The following ZMYM4 variants were observed in gnomAD, a reference collection of about 807,000 sequenced individuals.
ZMYM4 encodes zinc finger MYM-type containing 4.
Under a neutral mutation model 183.2 loss-of-function variants are expected in ZMYM4, and 31 were observed. The observed-to-expected ratio is 0.17, with a 90% CI of 0.13 to 0.23. The LOEUF (loss-of-function observed/expected upper bound fraction) is 0.23. Among genes scored for constraint, ZMYM4 ranks in the 10% least tolerant of loss-of-function variants. The pLI, the probability that ZMYM4 is intolerant of heterozygous loss-of-function variation, is 1.00. For synonymous variants in ZMYM4, 592 were observed against 631.2 expected (o/e 0.94, Z 0.93); for missense variants, 1,273 against 1,840.3 (o/e 0.69, Z 5.64).
intron 1 of ZMYM4, among the ~76,000 whole-genome samples, chr1:35,321,005 C>T (rs193200447): frequency 5.3e-5 from 8 of 152,018 alleles, no homozygotes; most frequent in Admixed American, 2.6e-4. Context: ...TTATATAAAG[C>T]GCTCCTTTTT....
Position 35,359,465 on chromosome 1 carries a change from A to G in ZMYM4, c.607+19A>G. On this transcript the variant is annotated intron_variant, in intron 3 of 29. Coordinates refer to ENST00000314607, the MANE Select transcript of ZMYM4 (RefSeq NM_005095.3). ...AAAGCAGGTAATAATTGTTGGACTT[A>G]GAACCATAAAACACAATTAAAAATT... is the stretch of plus-strand genomic sequence containing the variant. The G allele has an allele frequency of 6.5e-7, 1 of 1,529,966 alleles. No individual in the cohort carries two copies. Among genetic ancestry groups the G allele is most frequent in the Non-Finnish European group, 8.7e-7 (1 of 1,146,164 alleles). 94.8% of individuals were successfully genotyped at this position (1,529,966 alleles called of 1,614,324 possible).
chr1:35,350,498 G>A (rs964226503), intron 2 of ZMYM4, among the ~76,000 whole-genome samples: 3 of 152,134 alleles, frequency 2.0e-5, no homozygotes, highest in African/African-American at 7.2e-5. Context: ...TGTTGGCTAG[G>A]CTGGTCTCGA....
intron 1 of ZMYM4, among the ~76,000 whole-genome samples, chr1:35,314,579 C>CCAGCCAAGAAGTTGCT: frequency 6.6e-6 from 1 of 151,472 alleles, no homozygotes; most frequent in Non-Finnish European, 1.5e-5. Context: ...GCCACTGCGC[C>CCAGCCAAGAAGTTGCT]TGGCCCCAGT....
chr1:35,413,664 A>G (rs950228084), intron 26 of ZMYM4, among the ~76,000 whole-genome samples: 1 of 152,218 alleles, frequency 6.6e-6, no homozygotes, highest in African/African-American at 2.4e-5. Context: ...AAGTTTTAGT[A>G]TGTCAGTTTT....
chr1:35,375,220 GT>G (rs1644309504), intron 7 of ZMYM4, among the ~76,000 whole-genome samples: 1 of 151,836 alleles, frequency 6.6e-6, no homozygotes, highest in Admixed American at 6.6e-5. Context: ...TGTCAATCTT[GT>G]TTTTCCTTAT....
At chr1:35,272,824 T>C (rs1230239624) in intron 1 of ZMYM4, among the ~76,000 whole-genome samples, 1 of 152,182 alleles carries the variant, frequency 6.6e-6, no homozygotes, top group East Asian at 1.9e-4. Flanking sequence ...TTCCTTCGCC[T>C]CAGCCTCCCG....
intron 1 of ZMYM4, among the ~76,000 whole-genome samples, chr1:35,295,594 C>T (rs150251879): frequency 6.6e-6 from 1 of 152,358 alleles, no homozygotes; most frequent in African/African-American, 2.4e-5. Flanking sequence ...ACAACCAAAA[C>T]TGCCTCCAGA....
At position 35,359,502 on chromosome 1, in the gene ZMYM4, T is replaced by C. The variant is rs555146641; in HGVS notation, c.607+56T>C. On this transcript the variant is annotated intron_variant, in intron 3 of 29. Coordinates refer to ENST00000314607, the MANE Select transcript of ZMYM4 (RefSeq NM_005095.3). ...CACAATTAAAAATTACCGATCATAA[T>C]ATATAGCTTTTATTACTTTTGATGT... is the stretch of plus-strand genomic sequence containing the variant. 2.8e-6 allele frequency: 4 copies of C among 1,434,322 alleles called. No individual in the cohort carries two copies. In the East Asian group the frequency reaches 9.4e-5, roughly 34 times the overall value. The allele number at this position is 1,434,322 out of a possible 1,614,324, so 88.8% of individuals were successfully genotyped here.
chr1:35,297,375 TGA>T (rs988257949), intron 1 of ZMYM4, among the ~76,000 whole-genome samples: 1 of 150,756 alleles, frequency 6.6e-6, no homozygotes, highest in Non-Finnish European at 1.5e-5. Context: ...CACCTGAGGG[TGA>T]GATGGGAGGA....
intron 26 of ZMYM4, among the ~76,000 whole-genome samples, 195 bp from the exon 27 acceptor site, chr1:35,413,777 G>T (rs926199386): frequency 2.0e-5 from 3 of 152,200 alleles, no homozygotes; most frequent in Non-Finnish European, 4.4e-5. Flanking sequence ...TGAAGATAAT[G>T]TGTTAATAAG....
At chr1:35,272,454 C>T (rs1639661340) in intron 1 of ZMYM4, among the ~76,000 whole-genome samples, 1 of 152,060 alleles carries the variant, frequency 6.6e-6, no homozygotes. Context: ...TATTTCATTG[C>T]TTTTTGCGTC....
intron 2 of ZMYM4, among the ~76,000 whole-genome samples, chr1:35,343,244 A>T (rs1272143033): frequency 6.6e-6 from 1 of 152,180 alleles, no homozygotes; most frequent in African/African-American, 2.4e-5. Flanking sequence ...GCTGTGTTCT[A>T]AGAAATCTAT....
At chr1:35,345,530 C>T (rs1403209289) in intron 2 of ZMYM4, among the ~76,000 whole-genome samples, 3 of 151,930 alleles carry the variant, frequency 2.0e-5, no homozygotes, top group Non-Finnish European at 2.9e-5. Flanking sequence ...TCTCGACTCA[C>T]TGCCATCTCC....
chr1:35,418,546 A>T lies in ZMYM4; in HGVS notation c.4413A>T (p.Arg1471=), dbSNP rs1244441141. 1 of 1,614,034 alleles carries T rather than the reference A, an allele frequency of 6.2e-7. No individual in the cohort carries two copies. Among genetic ancestry groups the T allele is most frequent in the African/African-American group, 1.3e-5 (1 of 74,948 alleles). The change falls in exon 29 of 30, where the codon CGA becomes CGT. Residue 1471 remains arginine, a synonymous_variant. Transcript: ENST00000314607. Reference sequence around the variant, plus strand: ...ACAATCCACTAAGATGCCCAGTCCGACTTTATGAGTTTTACCTGTCAAAAT... The same window carrying T: ...ACAATCCACTAAGATGCCCAGTCCGTCTTTATGAGTTTTACCTGTCAAAAT... ...NTDNPLRCPV[R]LYEFYLSKCS...
intron 11 of ZMYM4, 87 bp from the exon 12 acceptor site, chr1:35,386,916 G>A: frequency 7.0e-7 from 1 of 1,430,462 alleles, no homozygotes; most frequent in Non-Finnish European, 9.4e-7. Flanking sequence ...TACATGCCTA[G>A]AACGGTGCTT....
intron 2 of ZMYM4, among the ~76,000 whole-genome samples, chr1:35,335,445 A>G (rs1642931677): frequency 6.6e-6 from 1 of 151,902 alleles, no homozygotes; most frequent in African/African-American, 2.4e-5. Context: ...CCATGCTGGC[A>G]AGGCTGATCT....
chr1:35,360,916 ATG>A (rs1643921220), intron 3 of ZMYM4, among the ~76,000 whole-genome samples: 1 of 151,626 alleles, frequency 6.6e-6, no homozygotes, highest in African/African-American at 2.4e-5. Flanking sequence ...GGGAGAACAA[ATG>A]CAAGCAATTT....
chr1:35,357,207 G>C (rs1413851150), intron 2 of ZMYM4, among the ~76,000 whole-genome samples: 2 of 152,112 alleles, frequency 1.3e-5, no homozygotes, highest in Admixed American at 1.3e-4. Flanking sequence ...GCTTTCCTTT[G>C]GGTTCTGTAT....
At chr1:35,361,149 T>TA (rs1643927511) in intron 3 of ZMYM4, 45 bp from the exon 4 acceptor site, 1 of 1,498,684 alleles carries the variant, frequency 6.7e-7, no homozygotes. Context: ...TAAGATTTGT[T>TA]ATTCATATAC....
Sources: allele counts gnomAD v4.1 joint callset (sites outside exome capture counted in the v4.1 genomes callset), GRCh38; gene constraint gnomAD v4.1.1; transcripts MANE v1.5; gene names NCBI Gene and HGNC (gene_info 2026-07-23, HGNC 2026-07-21).